The following SEC16A variants were observed in gnomAD, a reference collection of about 807,000 sequenced individuals.
The protein encoded by SEC16A is SEC16 homolog A, endoplasmic reticulum export factor.
A neutral mutation model predicts 221.9 loss-of-function variants in SEC16A; 110 were observed. That is an observed-to-expected ratio of 0.50 (90% confidence interval 0.42 to 0.58). The LOEUF (loss-of-function observed/expected upper bound fraction) is 0.58. Among genes scored for constraint, SEC16A ranks in the 20% least tolerant of loss-of-function variants. The pLI is 0.00. For synonymous variants in SEC16A, 1,393 were observed against 1,257.7 expected, an observed-to-expected ratio of 1.11 and a Z score of -2.28; for missense variants, 3,165 against 3,097.8, an observed-to-expected ratio of 1.02 and a Z score of -0.52.
At chr9:136,465,213 G>A (rs1306241992) in intron 8 of SEC16A, among the ~76,000 whole-genome samples, 1 of 152,240 alleles carries the variant, frequency 6.6e-6, no homozygotes, top group Non-Finnish European at 1.5e-5. Context: ...CATTTTGGGA[G>A]ACCGAGGAGG....
chr9:136,461,093 C>T, intron 13 of SEC16A, 84 bp downstream of exon 13: 1 of 1,043,676 alleles, frequency 9.6e-7, no homozygotes, highest in Non-Finnish European at 1.5e-6. Context: ...GATCCGCCTG[C>T]CGCCTGCCCC....
Position 136,453,501 on chromosome 9 carries a change from G to A in SEC16A, c.6086C>T (p.Pro2029Leu), listed in dbSNP as rs202042941. ...TGAGTTTCCAACAGGCGCCTCCTGC[G>A]GCACTATCCCTGTCAACGGGAAAGA... Reference protein sequence around the residue: ...EARSPDPGIVPQEAPVGNSLS... With the variant: ...EARSPDPGIVLQEAPVGNSLS... The change falls in exon 22 of 32, where the codon CCG (proline) becomes CTG (leucine). Residue 2029 changes from proline (P) to leucine (L), a missense_variant. By Grantham distance (98) the Pro-to-Leu change is moderately conservative. Around this residue, in one of 3 missense-constraint regions of SEC16A, gnomAD observed 1,088 missense variants for 1,089.6 expected, o/e 1.00. Transcript: ENST00000684901. 1,092 of 1,612,362 alleles carry A rather than the reference G, an allele frequency of 6.8e-4. 2 individuals carry two copies. Among genetic ancestry groups the A allele is most frequent in the Non-Finnish European group, 8.7e-4 (1,020 of 1,178,710 alleles).
At chr9:136,465,026 C>A (rs757632208) in intron 8 of SEC16A, among the ~76,000 whole-genome samples, 7 of 152,096 alleles carry the variant, frequency 4.6e-5, no homozygotes, top group Non-Finnish European at 1.0e-4. Context: ...TGAAAGGATC[C>A]AAGGCAGGAG....
Position 136,477,278 on chromosome 9 carries a change from G to A in SEC16A, c.338C>T (p.Pro113Leu). The A allele has an allele frequency of 6.2e-7, 1 of 1,613,970 alleles. No homozygotes were observed. The highest frequency in any genetic ancestry group is 8.5e-7 in the Non-Finnish European group (1 of 1,179,896). The change falls in exon 3 of 32, where the codon CCT becomes CTT. Residue 113 changes from proline (P) to leucine (L), a missense_variant. By Grantham distance (98) the Pro-to-Leu change is moderately conservative. This residue lies in a region of SEC16A where 2,030 missense variants were observed against 1,923.1 expected (regional missense o/e 1.06). Coordinates refer to ENST00000684901, the MANE Select transcript of SEC16A (RefSeq NM_014866.2). ...GGCATGTGCTCTGGGCTGTGTCAGA[G>A]GTCCAGGCAGGGGCTCACAGGGTCC... is the stretch of plus-strand genomic sequence containing the variant. ...SQGPCEPLPG[P>L]LTQPRAHASP...
At chr9:136,448,867 A>C (rs926834865) in intron 23 of SEC16A, 1 of 708,962 alleles carries the variant, frequency 1.4e-6, no homozygotes, top group Non-Finnish European at 2.6e-6. Context: ...GGTGGGAGGG[A>C]ACCGGGAGTT....
At chr9:136,450,257 C>T (rs1227228665) in intron 23 of SEC16A, among the ~76,000 whole-genome samples, 1 of 152,104 alleles carries the variant, frequency 6.6e-6, no homozygotes, top group Admixed American at 6.6e-5. Flanking sequence ...AAAAGGCAAT[C>T]TACAGATTGG....
At chr9:136,441,845 G>A (rs1434000161) in intron 31 of SEC16A, 22 bp from the exon 32 acceptor site, 1 of 1,609,306 alleles carries the variant, frequency 6.2e-7, no homozygotes, top group Admixed American at 1.7e-5. Flanking sequence ...TCAACAGCAT[G>A]ACCTCTGCAT....
Position 136,454,200 on chromosome 9 carries a change from G to T in SEC16A, c.5985C>A (p.Phe1995Leu). ...GGAGGCCAGGCCCGGAGGGCTCCAG[G>T]AAGCCAAGTGCAGGCCCTGGGGTCA... Reference protein sequence around the residue: ...GCVTPGPALGFLEPSGPGLPP... With the variant: ...GCVTPGPALGLLEPSGPGLPP... Residue 1995 changes from phenylalanine (F) to leucine (L), a missense_variant, in exon 21 of 32, where the codon TTC becomes TTA. Physicochemically the swap from Phe to Leu is conservative, Grantham distance 22. Transcript: ENST00000684901. The T allele has an allele frequency of 6.4e-7, 1 of 1,563,276 alleles. No homozygotes were observed. The highest frequency in any genetic ancestry group is 8.7e-7 in the Non-Finnish European group (1 of 1,153,750).
At chr9:136,479,233 G>C (rs1178877472) in intron 1 of SEC16A, among the ~76,000 whole-genome samples, 5 of 152,216 alleles carry the variant, frequency 3.3e-5, no homozygotes, top group African/African-American at 1.2e-4. Context: ...TATATCTTTA[G>C]GAAAGTTCTT....
chr9:136,480,156 C>T (rs1425744038), intron 1 of SEC16A, among the ~76,000 whole-genome samples: 1 of 152,178 alleles, frequency 6.6e-6, no homozygotes, highest in Non-Finnish European at 1.5e-5. Context: ...ACAGGCAGAG[C>T]ATCTTCCTCT....
At position 136,463,453 on chromosome 9, in the gene SEC16A, A is replaced by G. The variant is rs1401168831; in HGVS notation, c.4647+10T>C. Reference sequence around the variant, plus strand: ...AAGAAGAAACACTCTAGAAGTAGAAAGAAACATACCCCATTTTGTCTGCAT... The same window carrying G: ...AAGAAGAAACACTCTAGAAGTAGAAGGAAACATACCCCATTTTGTCTGCAT... On this transcript the variant is annotated intron_variant, in intron 11 of 31. Transcript: ENST00000684901. 6.2e-7 allele frequency: 1 copy of G among 1,611,190 alleles called. No individual in the cohort carries two copies. Among genetic ancestry groups the G allele is most frequent in the South Asian group, 1.1e-5 (1 of 90,820 alleles).
chr9:136,476,402 G>A lies in SEC16A; in HGVS notation c.1214C>T (p.Ser405Phe), dbSNP rs751408966. 11 of 1,612,932 alleles carry A rather than the reference G, an allele frequency of 6.8e-6. No homozygotes were observed. The highest frequency in any genetic ancestry group is 9.3e-6 in the Non-Finnish European group (11 of 1,179,874). The change falls in exon 3 of 32, where the codon TCC (serine) becomes TTC (phenylalanine). Residue 405 changes from serine to phenylalanine, a missense_variant. By Grantham distance (155) the Ser-to-Phe change is radical. This residue lies in a region of SEC16A where 2,030 missense variants were observed against 1,923.1 expected (regional missense o/e 1.06). Transcript: ENST00000684901. ...GGGCGGACGGCCTAGCCCAGGGCTG[G>A]AGCAGAAATCGTCAAAGTCCGCTTG... ...SGQADFDDFC[S>F]SPGLGRPPAP...
chr9:136,466,029 G>C lies in SEC16A; in HGVS notation c.4236C>G (p.Phe1412Leu). ...ACTCTGGGAAGCCGGGGCCACTGCT[G>C]AAATTGCTGCGGTAGGTGCCGTAGG... The part of the protein sequence containing the change: ...DFAYGTYRSN[F>L]SSGPGFPEYG... Residue 1412 changes from phenylalanine to leucine, a missense_variant, in exon 8 of 32, where the codon TTC (phenylalanine) becomes TTG (leucine). Coordinates refer to ENST00000684901, the MANE Select transcript of SEC16A (RefSeq NM_014866.2). This position sits in a 1 kb window ranked among gnomAD's most constrained non-coding sequence, Gnocchi z 5.5. 1 of 1,613,658 alleles carries C rather than the reference G, an allele frequency of 6.2e-7. No individual in the cohort carries two copies. The highest frequency in any genetic ancestry group is 8.5e-7 in the Non-Finnish European group (1 of 1,179,854).
chr9:136,476,380 C>T lies in SEC16A; in HGVS notation c.1236G>A (p.Pro412=), dbSNP rs182982104. The T allele has an allele frequency of 3.4e-4, 547 of 1,612,756 alleles. 2 individuals carry two copies. The highest frequency in any genetic ancestry group is 5.2e-4 in the Admixed American group (31 of 60,020). The change falls in exon 3 of 32, where the codon CCG becomes CCA. Residue 412 remains proline (P), a synonymous_variant. Coordinates refer to ENST00000684901, the MANE Select transcript of SEC16A (RefSeq NM_014866.2). The part of the protein sequence containing the change: ...DFCSSPGLGR[P]PAPTHVGAGS... ...CTGCCCCCACGTGTGTAGGTGCGGG[C>T]GGACGGCCTAGCCCAGGGCTGGAGC...
rs372295762 is a variant in SEC16A at position 136,459,882 on chromosome 9, G to A, written c.5074-8C>T. 1.6e-4 allele frequency: 253 copies of A among 1,610,172 alleles called. 1 individual carries two copies. The African/African-American group carries it at 2.9e-3, about 19-fold the overall frequency. ...TTTCTCGTCTCCACAGCACTAACATGAGGAAAAACAAAACGAAGCCTCATC... is the reference window on the plus strand; with the variant it reads ...TTTCTCGTCTCCACAGCACTAACATAAGGAAAAACAAAACGAAGCCTCATC... On this transcript the variant is annotated splice_polypyrimidine_tract_variant and splice_region_variant and intron_variant, in intron 14 of 31. Transcript: ENST00000684901. The surrounding 1 kb of genome is among the most constrained non-coding windows in gnomAD (Gnocchi z 6.1).
Position 136,474,289 on chromosome 9 carries a change from AC to A in SEC16A, c.3326del (p.Gly1109ValfsTer355). 1 of 1,607,794 alleles carries A rather than the reference AC, an allele frequency of 6.2e-7. No individual in the cohort carries two copies. The highest frequency in any genetic ancestry group is 8.5e-7 in the Non-Finnish European group (1 of 1,177,464). ...SPASLVLVDAGQQLPPRPPQS... is the reference protein window; with the variant it reads ...SPASLVLVDAXQQLPPRPPQS... Reference sequence around the variant, plus strand: ...GAGGAGGCCGAGGGGGCAGCTGCTGACCCGCGTCGACCAGAACCAGACTTGC... The same window carrying A: ...GAGGAGGCCGAGGGGGCAGCTGCTGACCGCGTCGACCAGAACCAGACTTGC... On this transcript the variant is annotated frameshift_variant, in exon 3 of 32. Transcript: ENST00000684901. LOFTEE classifies it high-confidence loss of function.
Position 136,454,188 on chromosome 9 carries a change from G to A in SEC16A, c.5997C>T (p.Ser1999=), listed in dbSNP as rs369053719. 183 of 1,560,940 alleles carry A rather than the reference G, an allele frequency of 1.2e-4. No individual in the cohort carries two copies. Among genetic ancestry groups the A allele is most frequent in the Admixed American group, 1.0e-3 (54 of 51,918 alleles). The change falls in exon 21 of 32, where the codon TCC becomes TCT. Residue 1999 remains serine, a synonymous_variant. Transcript: ENST00000684901. The stretch of plus-strand genomic sequence containing the variant: ...GCACACCAGGTGGGAGGCCAGGCCC[G>A]GAGGGCTCCAGGAAGCCAAGTGCAG... ...PGPALGFLEP[S]GPGLPPGVPP...
chr9:136,449,160 C>T (rs961338820), intron 23 of SEC16A, among the ~76,000 whole-genome samples: 20 of 152,210 alleles, frequency 1.3e-4, no homozygotes, highest in Non-Finnish European at 2.4e-4. Context: ...CAGTGTGTGT[C>T]GGAGGCAGAT....
intron 2 of SEC16A, 74 bp from the exon 3 acceptor site, chr9:136,477,758 G>A (rs1841837296): frequency 7.4e-7 from 1 of 1,346,216 alleles, no homozygotes; most frequent in Middle Eastern, 2.2e-4. Flanking sequence ...GAAAACTAAG[G>A]AAAAAGAGAA....
Sources: allele counts gnomAD v4.1 joint callset (sites outside exome capture counted in the v4.1 genomes callset), GRCh38; gene constraint gnomAD v4.1.1; regional missense constraint gnomAD v4.1.1; non-coding constraint Gnocchi (gnomAD v3.1); transcripts MANE v1.5; gene names NCBI Gene and HGNC (gene_info 2026-07-23, HGNC 2026-07-21).